Variants in CWC22 observed in about 807,000 individuals in gnomAD.
The protein encoded by CWC22 is pre-mRNA-splicing factor CWC22 homolog.
A neutral mutation model predicts 117.2 loss-of-function variants in CWC22; 53 were observed. The observed-to-expected ratio is 0.45, with a 90% confidence interval of 0.36 to 0.57. CWC22 has a LOEUF of 0.57. Among genes scored for constraint, CWC22 ranks in the 20% least tolerant of loss-of-function variants. The pLI is 0.00. For missense variants in CWC22, 980 were observed against 1,068.8 expected (o/e 0.92, Z 1.16); for synonymous variants, 360 against 355.6 (o/e 1.01, Z -0.14).
At chr2:179,980,748 T>C (rs748352213) in intron 5 of CWC22, among the ~76,000 whole-genome samples, 3 of 152,174 alleles carry the variant, frequency 2.0e-5, no homozygotes, top group Non-Finnish European at 2.9e-5. Flanking sequence ...TTCAAATTGC[T>C]ACTAAAACAC....
chr2:180,002,962 G>C (rs1687880668), intron 1 of CWC22, among the ~76,000 whole-genome samples: 1 of 152,170 alleles, frequency 6.6e-6, no homozygotes. Flanking sequence ...TACATATCCA[G>C]AACCTAGGAC....
Position 179,982,006 on chromosome 2 carries a change from T to C in CWC22, c.207-9A>G, listed in dbSNP as rs1378059200. 1 of 1,445,012 alleles carries C rather than the reference T, an allele frequency of 6.9e-7. No homozygotes were observed. Among genetic ancestry groups the C allele is most frequent in the Non-Finnish European group, 9.5e-7 (1 of 1,056,634 alleles). 89.5% of individuals were successfully genotyped at this position (1,445,012 alleles called of 1,614,324 possible). ...TTTCTCGGTCCCTGTTTCTGTAATA[T>C]AAATTTTTTGAAGAGCAGAAAAGAC... is the stretch of plus-strand genomic sequence containing the variant. On this transcript the variant is annotated splice_polypyrimidine_tract_variant and intron_variant, in intron 4 of 19. Coordinates refer to ENST00000410053, the MANE Select transcript of CWC22 (RefSeq NM_020943.3).
intron 4 of CWC22, among the ~76,000 whole-genome samples, chr2:179,984,448 T>C (rs1184275434): frequency 1.3e-5 from 2 of 152,078 alleles, no homozygotes; most frequent in Non-Finnish European, 1.5e-5. Flanking sequence ...ATTAGGTATA[T>C]ACTAGAAAGT....
At chr2:179,966,126 G>A (rs1686884596) in intron 11 of CWC22, 144 bp from the exon 12 acceptor site, 8 of 580,652 alleles carry the variant, frequency 1.4e-5, no homozygotes, top group Non-Finnish European at 2.4e-5. Context: ...CAAGCCTCGT[G>A]TTATTGCCTA....
intron 16 of CWC22, 26 bp downstream of exon 16, chr2:179,954,179 G>A: frequency 6.5e-7 from 1 of 1,548,446 alleles, no homozygotes; most frequent in South Asian, 1.2e-5. Flanking sequence ...TAGGAAGGAA[G>A]TATAAATATT....
chr2:179,985,815 A>G (rs529343417), intron 4 of CWC22, among the ~76,000 whole-genome samples: 1 of 147,044 alleles, frequency 6.8e-6, no homozygotes, highest in Non-Finnish European at 1.5e-5. Flanking sequence ...ATTGGAAAAA[A>G]CATAGTATAT....
chr2:179,986,875 A>G (rs1002011513), intron 3 of CWC22, 70 bp from the exon 4 acceptor site: 16 of 804,058 alleles, frequency 2.0e-5, no homozygotes, highest in Middle Eastern at 2.3e-4. Context: ...GGAAAGTCAT[A>G]TATTGGTAAT....
chr2:179,991,947 G>T (rs1559296910), intron 2 of CWC22, among the ~76,000 whole-genome samples: 1 of 152,212 alleles, frequency 6.6e-6, no homozygotes, highest in Non-Finnish European at 1.5e-5. Flanking sequence ...GGAGGTGGGT[G>T]AGTGTCTTCT....
Position 179,973,783 on chromosome 2 carries a change from C to T in CWC22, c.601G>A (p.Val201Ile). The change falls in exon 7 of 20, where the codon GTT becomes ATT. Residue 201 changes from valine (V) to isoleucine (I), a missense_variant. Val to Ile is a conservative substitution (Grantham distance 29). Around this residue, in one of 3 missense-constraint regions of CWC22, gnomAD observed 559 missense variants for 602.3 expected, o/e 0.93. Coordinates refer to ENST00000410053, the MANE Select transcript of CWC22 (RefSeq NM_020943.3). ...VRGRGLLSRS[V>I]LQAQSASPIF... Reference sequence around the variant, plus strand: ...GGAGAAGCACTCTGTGCTTGCAAAACAGACCTGGACAGCAGTCCTCTGTTT... The same window carrying T: ...GGAGAAGCACTCTGTGCTTGCAAAATAGACCTGGACAGCAGTCCTCTGTTT... 1 of 1,596,184 alleles carries T rather than the reference C, an allele frequency of 6.3e-7. No homozygotes were observed. Among genetic ancestry groups the T allele is most frequent in the Non-Finnish European group, 8.5e-7 (1 of 1,171,098 alleles).
At chr2:179,958,330 CA>C (rs11453659) in intron 14 of CWC22, among the ~76,000 whole-genome samples, 63 of 92,780 alleles carry the variant, frequency 6.8e-4, no homozygotes, top group African/African-American at 1.4e-3. Flanking sequence ...GACTCTGGCT[CA>C]AAAAAAAAAA....
chr2:179,957,294 G>T (rs1043393363), intron 14 of CWC22, among the ~76,000 whole-genome samples: 8 of 151,948 alleles, frequency 5.3e-5, no homozygotes, highest in Non-Finnish European at 1.2e-4. Context: ...GGAAAAAAAG[G>T]AATCTTTTAC....
chr2:179,986,367 C>T (rs2105546831), intron 4 of CWC22, among the ~76,000 whole-genome samples: 1 of 152,202 alleles, frequency 6.6e-6, no homozygotes, highest in Non-Finnish European at 1.5e-5. Context: ...ATAAACCAAC[C>T]CCTCTTGCGG....
intron 19 of CWC22, 145 bp from the exon 20 acceptor site, chr2:179,945,860 G>A: frequency 1.7e-6 from 1 of 589,796 alleles, no homozygotes; most frequent in Non-Finnish European, 2.9e-6. Flanking sequence ...AAAGTCTGAT[G>A]ACACAGAGTC....
At chr2:179,983,704 T>C (rs952818640) in intron 4 of CWC22, among the ~76,000 whole-genome samples, 3 of 152,064 alleles carry the variant, frequency 2.0e-5, no homozygotes, top group Non-Finnish European at 2.9e-5. Context: ...CTAGGGAGGA[T>C]AGACAATCTG....
At chr2:179,973,535 T>C (rs987906093) in intron 7 of CWC22, 99 bp downstream of exon 7, 1 of 777,362 alleles carries the variant, frequency 1.3e-6, no homozygotes, top group African/African-American at 1.8e-5. Context: ...AGCATTATGT[T>C]ATGTAGCTGT....
Position 179,945,289 on chromosome 2 carries a change from T to G in CWC22, c.2567A>C (p.Glu856Ala), listed in dbSNP as rs758871277. 5.6e-6 allele frequency: 9 copies of G among 1,613,850 alleles called. No individual in the cohort carries two copies. The highest frequency in any genetic ancestry group is 6.8e-6 in the Non-Finnish European group (8 of 1,179,826). Residue 856 changes from glutamate to alanine, a missense_variant, in exon 20 of 20, where the codon GAA becomes GCA. This residue lies in a region of CWC22 where 306 missense variants were observed against 296.8 expected (regional missense o/e 1.03). Coordinates refer to ENST00000410053, the MANE Select transcript of CWC22 (RefSeq NM_020943.3). ...FRRKDRSKSK[E>A]MNRKHSGSRS... The stretch of plus-strand genomic sequence containing the variant: ...TGAGCCTGAGTGCTTTCTATTCATT[T>G]CCTTTGACTTTGATCTATCTTTTCT...
intron 15 of CWC22, 141 bp downstream of exon 15, chr2:179,954,816 T>A (rs1334101135): frequency 3.4e-6 from 2 of 581,516 alleles, no homozygotes; most frequent in Non-Finnish European, 6.1e-6. Flanking sequence ...GTGAAGAGAG[T>A]GGGAAACCTG....
intron 5 of CWC22, among the ~76,000 whole-genome samples, chr2:179,978,939 A>G (rs1687218793): frequency 6.6e-6 from 1 of 152,200 alleles, no homozygotes; most frequent in South Asian, 2.1e-4. Context: ...GTTGAATGTT[A>G]GATAGCTGTA....
Position 179,964,529 on chromosome 2 carries a change from T to C in CWC22, c.1397+18A>G, listed in dbSNP as rs1174232272. 7.1e-7 allele frequency: 1 copy of C among 1,404,728 alleles called. No homozygotes were observed. The highest frequency in any genetic ancestry group is 1.4e-5 in the African/African-American group (1 of 70,290). 87.0% of individuals were successfully genotyped at this position (1,404,728 alleles called of 1,614,324 possible). On this transcript the variant is annotated intron_variant, in intron 13 of 19. Coordinates refer to ENST00000410053, the MANE Select transcript of CWC22 (RefSeq NM_020943.3). ...TATCAAAAACAAAAAAAGGATGAAC[T>C]GAGATATGATGCCTTACCTTGACTG...
Sources: allele counts gnomAD v4.1 joint callset (sites outside exome capture counted in the v4.1 genomes callset), GRCh38; gene constraint gnomAD v4.1.1; regional missense constraint gnomAD v4.1.1; transcripts MANE v1.5; gene names NCBI Gene and HGNC (gene_info 2026-07-23, HGNC 2026-07-21).